The following ROBO2 variants were observed in gnomAD, a reference collection of about 807,000 sequenced individuals.
The protein encoded by ROBO2 is roundabout homolog 2.
In ROBO2, 53 loss-of-function variants were observed where a neutral mutation model predicts 160.8. The ratio of observed to expected loss-of-function variants is 0.33; its 90% confidence interval spans 0.26 to 0.41. ROBO2 has a LOEUF of 0.41. ROBO2 is among the 10% of genes least tolerant of loss of function. The pLI, the probability that ROBO2 is intolerant of heterozygous loss-of-function variation, is 1.00. For synonymous variants in ROBO2, 664 were observed against 611.7 expected, an observed-to-expected ratio of 1.09 and a Z score of -1.26; for missense variants, 1,577 against 1,722.4, an observed-to-expected ratio of 0.92 and a Z score of 1.49.
At chr3:77,349,850 A>C (rs1378146292) in intron 2 of ROBO2, among the ~76,000 whole-genome samples, 1 of 152,062 alleles carries the variant, frequency 6.6e-6, no homozygotes, top group African/African-American at 2.4e-5. Context: ...AAACAGCCTT[A>C]TGATTAATAA....
At chr3:76,298,317 T>C (rs1012123337) in intron 2 of ROBO2, among the ~76,000 whole-genome samples, 2 of 152,008 alleles carry the variant, frequency 1.3e-5, no homozygotes, top group East Asian at 1.9e-4. Context: ...TGGGGAACGA[T>C]GTGAGGTGTG....
chr3:76,955,853 G>A (rs1223990734), intron 2 of ROBO2, among the ~76,000 whole-genome samples: 3 of 150,834 alleles, frequency 2.0e-5, no homozygotes, highest in African/African-American at 4.9e-5. Flanking sequence ...CCTTGAACCC[G>A]GGAGGCGGAG....
intron 2 of ROBO2, among the ~76,000 whole-genome samples, chr3:76,560,160 C>G (rs1193985786): frequency 6.6e-6 from 1 of 152,020 alleles, no homozygotes; most frequent in East Asian, 1.9e-4. Flanking sequence ...TTGATATTGT[C>G]CACCCAACAC....
At chr3:77,282,977 T>TTG (rs2060342558) in intron 2 of ROBO2, among the ~76,000 whole-genome samples, 2 of 150,752 alleles carry the variant, frequency 1.3e-5, no homozygotes, top group Non-Finnish European at 3.0e-5. Context: ...AAAAAAAATA[T>TTG]TTGCTGATAT....
At chr3:77,545,846 C>A (rs1186341895) in intron 6 of ROBO2, among the ~76,000 whole-genome samples, 3 of 152,036 alleles carry the variant, frequency 2.0e-5, no homozygotes, top group African/African-American at 7.2e-5. Flanking sequence ...TAGATATAAG[C>A]ACTTTTAAGA....
intron 2 of ROBO2, among the ~76,000 whole-genome samples, chr3:76,658,616 T>G (rs2091683763): frequency 6.6e-6 from 1 of 152,202 alleles, no homozygotes; most frequent in Admixed American, 6.5e-5. Context: ...CTTAGTTTGC[T>G]GAGAATGATG....
At chr3:76,624,606 C>T (rs2089478254) in intron 2 of ROBO2, among the ~76,000 whole-genome samples, 1 of 151,642 alleles carries the variant, frequency 6.6e-6, no homozygotes, top group African/African-American at 2.4e-5. Flanking sequence ...TGCCACCAGC[C>T]TGGCCAACGT....
chr3:75,979,583 T>C (rs2065223526), intron 2 of ROBO2, among the ~76,000 whole-genome samples: 1 of 151,470 alleles, frequency 6.6e-6, no homozygotes, highest in South Asian at 2.1e-4. Flanking sequence ...TTTAGAGTTG[T>C]TAATGGAGAT....
chr3:76,313,147 T>C (rs2071717844), intron 2 of ROBO2, among the ~76,000 whole-genome samples: 1 of 152,222 alleles, frequency 6.6e-6, no homozygotes, highest in African/African-American at 2.4e-5. Flanking sequence ...TAAAGGTCAG[T>C]CAAGTTACTG....
chr3:76,604,171 A>C (rs1019409832), intron 2 of ROBO2, among the ~76,000 whole-genome samples: 3 of 152,172 alleles, frequency 2.0e-5, no homozygotes, highest in African/African-American at 7.2e-5. Flanking sequence ...TCTGAATGTT[A>C]AGCATGAAGA....
chr3:76,349,479 C>T (rs1576592473), intron 2 of ROBO2, among the ~76,000 whole-genome samples: 1 of 152,208 alleles, frequency 6.6e-6, no homozygotes, highest in Admixed American at 6.5e-5. Context: ...CCTGGAGAGA[C>T]ATTTTCAAGG....
chr3:77,145,393 C>A (rs1283724508), intron 2 of ROBO2, among the ~76,000 whole-genome samples: 1 of 152,116 alleles, frequency 6.6e-6, no homozygotes, highest in African/African-American at 2.4e-5. Flanking sequence ...ATTGTGATTT[C>A]TTGTAGCTAA....
At chr3:76,554,037 C>G (rs919445209) in intron 2 of ROBO2, among the ~76,000 whole-genome samples, 1 of 152,112 alleles carries the variant, frequency 6.6e-6, no homozygotes, top group Admixed American at 6.6e-5. Flanking sequence ...AACGTGAACA[C>G]TCGCATTTTA....
At chr3:76,645,847 AT>A (rs1221607100) in intron 2 of ROBO2, among the ~76,000 whole-genome samples, 2 of 152,222 alleles carry the variant, frequency 1.3e-5, no homozygotes, top group Non-Finnish European at 2.9e-5. Context: ...TTACTACAGT[AT>A]GTATTTTTTA....
intron 2 of ROBO2, among the ~76,000 whole-genome samples, chr3:77,452,105 CT>C (rs2081181516): frequency 6.6e-6 from 1 of 152,110 alleles, no homozygotes; most frequent in Non-Finnish European, 1.5e-5. Flanking sequence ...TAGCTTCCAT[CT>C]TTCCCCCTAG....
chr3:77,075,765 G>A (rs1039782052), intron 1 of ROBO2, among the ~76,000 whole-genome samples: 5 of 131,030 alleles, frequency 3.8e-5, no homozygotes, highest in African/African-American at 1.5e-4. Flanking sequence ...TGTAACCTCT[G>A]CCTCCCAGGC....
At chr3:77,573,498 A>G (rs902240319) in intron 13 of ROBO2, among the ~76,000 whole-genome samples, 3 of 152,070 alleles carry the variant, frequency 2.0e-5, no homozygotes, top group Non-Finnish European at 4.4e-5. Flanking sequence ...AGATATCAAA[A>G]AGTTGTCAAA....
At chr3:76,807,369 A>G (rs1019002626) in intron 2 of ROBO2, among the ~76,000 whole-genome samples, 2 of 151,966 alleles carry the variant, frequency 1.3e-5, no homozygotes, top group Admixed American at 6.6e-5. Flanking sequence ...ACCTATACAA[A>G]TATCTCTTTA....
intron 2 of ROBO2, among the ~76,000 whole-genome samples, chr3:76,872,679 T>C (rs572389802): frequency 2.6e-5 from 4 of 152,052 alleles, no homozygotes; most frequent in Non-Finnish European, 5.9e-5. Flanking sequence ...ATTTTTTCTA[T>C]GTTTTCTATA....
Sources: gnomAD v4.1 joint callset for allele counts (sites outside exome capture counted in the v4.1 genomes callset) on GRCh38, gnomAD v4.1.1 for gene constraint, MANE v1.5 for transcripts, NCBI Gene and HGNC (gene_info 2026-07-23, HGNC 2026-07-21) for gene names.